REDIC1: variants seen among roughly 807,000 people sequenced by gnomAD.
REDIC1 encodes HEI10 Interacting Protein 1.
chr12:39,764,577 T>C, the REDIC1 span: 1 of 1,608,860 alleles, frequency 6.2e-7, no homozygotes, highest in South Asian at 1.1e-5. Flanking sequence ...AGGGGATATA[T>C]TTCAGAATTC....
chr12:39,660,872 G>A, the REDIC1 span, among the ~76,000 whole-genome samples: 131 of 151,880 alleles, frequency 8.6e-4, no homozygotes, highest in African/African-American at 2.8e-3. Flanking sequence ...CTCTACCCAC[G>A]AGAGATTAAC....
At chr12:39,781,694 T>A in the REDIC1 span, among the ~76,000 whole-genome samples, 16 of 152,318 alleles carry the variant, frequency 1.1e-4, no homozygotes, top group Admixed American at 9.8e-4. Context: ...TTTAACAGCA[T>A]AGTTATTTTC....
At chr12:39,823,032 A>G in the REDIC1 span, among the ~76,000 whole-genome samples, 3 of 152,206 alleles carry the variant, frequency 2.0e-5, no homozygotes, top group Non-Finnish European at 2.9e-5. Flanking sequence ...TAAATTTCTG[A>G]ACCTGAAAAA....
chr12:39,642,046 G>T, the REDIC1 span, among the ~76,000 whole-genome samples: 166 of 151,776 alleles, frequency 1.1e-3, no homozygotes, highest in African/African-American at 3.9e-3. Context: ...CTCTCTGGTT[G>T]TTCCTTTTTA....
At chr12:39,695,150 A>G in the REDIC1 span, among the ~76,000 whole-genome samples, 233 of 152,270 alleles carry the variant, frequency 1.5e-3, 1 homozygote, top group Middle Eastern at 6.8e-3. Flanking sequence ...ACTTGGTGGC[A>G]TCAGGTGGGC....
At chr12:39,825,262 A>G in the REDIC1 span, among the ~76,000 whole-genome samples, 1 of 152,186 alleles carries the variant, frequency 6.6e-6, no homozygotes, top group Non-Finnish European at 1.5e-5. Flanking sequence ...AAGGTTTTGT[A>G]TATATGGAGA....
chr12:39,649,668 A>G, the REDIC1 span, among the ~76,000 whole-genome samples: 1 of 151,562 alleles, frequency 6.6e-6, no homozygotes, highest in Admixed American at 6.6e-5. Context: ...AATGTATGAC[A>G]GATATAAATT....
At chr12:39,699,675 G>A in the REDIC1 span, among the ~76,000 whole-genome samples, 1 of 152,214 alleles carries the variant, frequency 6.6e-6, no homozygotes, top group Non-Finnish European at 1.5e-5. Context: ...AGTAACCTCT[G>A]CAGACTTAAA....
the REDIC1 span, among the ~76,000 whole-genome samples, chr12:39,711,717 GTA>G: frequency 1.1e-4 from 2 of 18,020 alleles, 1 homozygote; most frequent in African/African-American, 2.5e-4. Context: ...ACATGCATGT[GTA>G]TGCACATGCA....
At chr12:39,844,524 C>T in the REDIC1 span, among the ~76,000 whole-genome samples, 1,939 of 152,026 alleles carry the variant, frequency 0.013, 51 homozygotes, top group African/African-American at 0.044. Flanking sequence ...AAAAGCAACT[C>T]AGTGTTCTTT....
chr12:39,710,303 A>T, the REDIC1 span, among the ~76,000 whole-genome samples: 15 of 151,868 alleles, frequency 9.9e-5, no homozygotes, highest in African/African-American at 1.7e-4. Context: ...TATTGATGTT[A>T]TAACAGATAC....
At chr12:39,672,988 C>T in the REDIC1 span, among the ~76,000 whole-genome samples, 1 of 152,058 alleles carries the variant, frequency 6.6e-6, no homozygotes, top group Admixed American at 6.5e-5. Flanking sequence ...TCTCAGAGCC[C>T]ATGAGGGTTG....
chr12:39,726,383 A>G, the REDIC1 span, among the ~76,000 whole-genome samples: 1 of 151,658 alleles, frequency 6.6e-6, no homozygotes, highest in Middle Eastern at 3.2e-3. Flanking sequence ...TCACAACTCA[A>G]CTCCCACTTA....
chr12:39,783,815 T>C, the REDIC1 span, among the ~76,000 whole-genome samples: 1 of 152,182 alleles, frequency 6.6e-6, no homozygotes, highest in Non-Finnish European at 1.5e-5. Flanking sequence ...TGACTGTATA[T>C]TTAGAAAACC....
the REDIC1 span, among the ~76,000 whole-genome samples, chr12:39,894,988 G>A: frequency 0.19 from 28,151 of 152,144 alleles, 2,781 homozygotes; most frequent in Non-Finnish European, 0.23. Flanking sequence ...CATGGACCAT[G>A]ACCAAATCAT....
At chr12:39,641,899 A>G in the REDIC1 span, among the ~76,000 whole-genome samples, 1 of 151,740 alleles carries the variant, frequency 6.6e-6, no homozygotes, top group African/African-American at 2.4e-5. Context: ...CATCTTGCTA[A>G]AGTCAACAAT....
the REDIC1 span, chr12:39,626,364 G>A: frequency 6.2e-7 from 1 of 1,614,056 alleles, no homozygotes; most frequent in African/African-American, 1.3e-5. Context: ...GTCCCGGTAA[G>A]TTGTGCAGCT....
chr12:39,659,847 G>A, the REDIC1 span, among the ~76,000 whole-genome samples: 122 of 152,030 alleles, frequency 8.0e-4, no homozygotes, highest in African/African-American at 2.7e-3. Context: ...TATGGCTGCT[G>A]GACATTTTTA....
chr12:39,648,773 GT>G, the REDIC1 span, among the ~76,000 whole-genome samples: 13 of 150,454 alleles, frequency 8.6e-5, no homozygotes, highest in East Asian at 1.7e-3. Context: ...TTAATTTATA[GT>G]TTTAAATTTT....
Sources: gnomAD v4.1 joint callset for allele counts (sites outside exome capture counted in the v4.1 genomes callset) on GRCh38, gnomAD v4.1.1 for gene constraint, MANE v1.5 for transcripts, NCBI Gene and HGNC (gene_info 2026-07-23, HGNC 2026-07-21) for gene names.